The following GRK5 variants were observed in gnomAD, a reference collection of about 807,000 sequenced individuals.
GRK5 encodes G protein-coupled receptor kinase 5, also known as g protein-coupled receptor kinase GRK5.
In GRK5, 40 loss-of-function variants were observed where a neutral mutation model predicts 78.4. That is an observed-to-expected ratio of 0.51 (90% CI 0.40 to 0.66). The LOEUF is 0.66. Ranked by LOEUF, GRK5 falls within the 30% of genes least tolerant of loss-of-function variation. GRK5 has a pLI of 0.00. For missense variants in GRK5, 598 were observed against 759.9 expected (o/e 0.79, Z 2.50); for synonymous variants, 289 against 296.8 (o/e 0.97, Z 0.27).
chr10:119,444,961 C>T (rs1564938207), intron 12 of GRK5, among the ~76,000 whole-genome samples: 1 of 152,228 alleles, frequency 6.6e-6, no homozygotes, highest in Non-Finnish European at 1.5e-5. Flanking sequence ...TCTGGCTCGG[C>T]TCCTCACCCC....
At chr10:119,425,435 A>T (rs1467158239) in intron 6 of GRK5, among the ~76,000 whole-genome samples, 1 of 152,220 alleles carries the variant, frequency 6.6e-6, no homozygotes, top group Non-Finnish European at 1.5e-5. Flanking sequence ...CTGTTGATGG[A>T]TATTGAGTTG....
At chr10:119,259,246 A>G (rs1849334663) in intron 1 of GRK5, among the ~76,000 whole-genome samples, 1 of 151,626 alleles carries the variant, frequency 6.6e-6, no homozygotes, top group East Asian at 1.9e-4. Flanking sequence ...TTGTATTTTT[A>G]GTAGAGACGG....
At position 119,359,175 on chromosome 10, in the gene GRK5, G is replaced by A. The variant is rs184861338; in HGVS notation, c.149-21640G>A. On this transcript the variant is annotated intron_variant, in intron 2 of 15. Transcript: ENST00000392870. ...CTGTGCATCAGAGGAGCCATTTGGA[G>A]AGACTGTGCCAGAGGCCAGGGGTGG... Among the ~76,000 whole-genome samples, 17 of 152,326 alleles carry A rather than the reference G, an allele frequency of 1.1e-4. No homozygotes were observed. The East Asian group carries it at 2.9e-3, about 26-fold the overall frequency.
chr10:119,429,565 C>T (rs996962708), intron 6 of GRK5, among the ~76,000 whole-genome samples: 1 of 150,094 alleles, frequency 6.7e-6, no homozygotes, highest in African/African-American at 2.5e-5. Context: ...TTGCTTAGTC[C>T]AAAAAGTGCC....
At chr10:119,306,612 C>T (rs549444858) in intron 1 of GRK5, among the ~76,000 whole-genome samples, 4 of 152,178 alleles carry the variant, frequency 2.6e-5, no homozygotes, top group East Asian at 3.9e-4. Flanking sequence ...CTCTTGGCCC[C>T]GAATATGGAT....
At chr10:119,389,644 G>A (rs961257245) in intron 3 of GRK5, among the ~76,000 whole-genome samples, 2 of 152,228 alleles carry the variant, frequency 1.3e-5, no homozygotes, top group Non-Finnish European at 2.9e-5. Context: ...GGGGGTCTGT[G>A]AGCCAAGGCA....
At chr10:119,259,311 G>A (rs1190535039) in intron 1 of GRK5, among the ~76,000 whole-genome samples, 5 of 151,948 alleles carry the variant, frequency 3.3e-5, no homozygotes, top group African/African-American at 9.7e-5. Flanking sequence ...TGATCCTCCC[G>A]CCTCAGCCTC....
chr10:119,393,624 G>A (rs931583037), intron 3 of GRK5, among the ~76,000 whole-genome samples: 18 of 152,226 alleles, frequency 1.2e-4, no homozygotes, highest in African/African-American at 4.3e-4. Flanking sequence ...GGGCTGTCCA[G>A]GGGCAGCAGG....
chr10:119,332,720 C>T (rs1266654155), intron 2 of GRK5, among the ~76,000 whole-genome samples: 10 of 152,126 alleles, frequency 6.6e-5, no homozygotes, highest in African/African-American at 2.2e-4. Context: ...TCCTTCCCTC[C>T]TCCTCCATTC....
At chr10:119,447,038 C>T (rs1217788782) in intron 12 of GRK5, among the ~76,000 whole-genome samples, 2 of 152,260 alleles carry the variant, frequency 1.3e-5, no homozygotes, top group Non-Finnish European at 2.9e-5. Flanking sequence ...AGCTGCAGCG[C>T]TCAGTAAGGC....
At chr10:119,410,824 C>T (rs892856233) in intron 4 of GRK5, among the ~76,000 whole-genome samples, 2 of 149,628 alleles carry the variant, frequency 1.3e-5, no homozygotes, top group African/African-American at 4.9e-5. Context: ...CCCCTTTACC[C>T]TTTGGGCCAT....
intron 6 of GRK5, among the ~76,000 whole-genome samples, chr10:119,425,774 G>A (rs1795815954): frequency 6.6e-6 from 1 of 152,232 alleles, no homozygotes; most frequent in Non-Finnish European, 1.5e-5. Flanking sequence ...CTTTTCTTGT[G>A]TGCTTGCTGT....
chr10:119,330,812 G>A (rs1258118982), intron 2 of GRK5, among the ~76,000 whole-genome samples: 1 of 152,164 alleles, frequency 6.6e-6, no homozygotes, highest in Admixed American at 6.5e-5. Flanking sequence ...CCTGAAGTCA[G>A]GAGTTAGAGA....
At chr10:119,436,568 C>A in intron 8 of GRK5, 83 bp from the exon 9 acceptor site, 1 of 1,386,252 alleles carries the variant, frequency 7.2e-7, no homozygotes, top group Non-Finnish European at 1.0e-6. Context: ...CCTCACACCC[C>A]AGCTCCCAGG....
chr10:119,239,313 C>G (rs1564859335), intron 1 of GRK5, among the ~76,000 whole-genome samples: 1 of 151,660 alleles, frequency 6.6e-6, no homozygotes, highest in Non-Finnish European at 1.5e-5. Flanking sequence ...CAGCTCACTG[C>G]AACCTCCGCC....
chr10:119,353,932 C>CTTTTT (rs761463283), intron 2 of GRK5, among the ~76,000 whole-genome samples: 433 of 108,336 alleles, frequency 4.0e-3, no homozygotes, highest in Middle Eastern at 5.8e-3. Flanking sequence ...TTTTTTCTTT[C>CTTTTT]TTTTTTTTTT....
Position 119,326,621 on chromosome 10 carries a change from C to T in GRK5, c.148+10C>T. 4 of 1,601,810 alleles carry T rather than the reference C, an allele frequency of 2.5e-6. No homozygotes were observed. Among genetic ancestry groups the T allele is most frequent in the Non-Finnish European group, 3.4e-6 (4 of 1,168,902 alleles). ...CTCCGAAGGACCATAGGTAAGCTGT[C>T]CTGCCTGGGGGCTGTGCGGGGAGTG... On this transcript the variant is annotated intron_variant, in intron 2 of 15. Coordinates refer to ENST00000392870, the MANE Select transcript of GRK5 (RefSeq NM_005308.3).
Position 119,345,352 on chromosome 10 carries a change from G to T in GRK5, c.148+18741G>T, listed in dbSNP as rs187164894. On this transcript the variant is annotated intron_variant, in intron 2 of 15. Coordinates refer to ENST00000392870, the MANE Select transcript of GRK5 (RefSeq NM_005308.3). Reference sequence around the variant, plus strand: ...CATGAGAGGAGTGGTTCCCAGCCCCGCAATCCAGCTGCAGTGTTAACTTCC... The same window carrying T: ...CATGAGAGGAGTGGTTCCCAGCCCCTCAATCCAGCTGCAGTGTTAACTTCC... Among the ~76,000 whole-genome samples, 594 of 152,218 alleles carry T rather than the reference G, an allele frequency of 3.9e-3. 2 individuals carry two copies. The highest frequency in any genetic ancestry group is 6.1e-3 in the Non-Finnish European group (415 of 68,024).
At chr10:119,227,007 C>T (rs762836624) in intron 1 of GRK5, among the ~76,000 whole-genome samples, 35 of 152,214 alleles carry the variant, frequency 2.3e-4, no homozygotes, top group Non-Finnish European at 3.4e-4. Context: ...TATATGCGCC[C>T]GCCAGCACAT....
Sources: allele counts gnomAD v4.1 joint callset (sites outside exome capture counted in the v4.1 genomes callset), GRCh38; gene constraint gnomAD v4.1.1; transcripts MANE v1.5; gene names NCBI Gene and HGNC (gene_info 2026-07-23, HGNC 2026-07-21).